The following TRHDE variants were observed in gnomAD, a reference collection of about 807,000 sequenced individuals.
TRHDE encodes the protein thyrotropin releasing hormone degrading enzyme.
TRHDE carries 72 observed loss-of-function variants against 125.7 expected under a neutral mutation model. That is an observed-to-expected ratio of 0.57 (90% CI 0.47 to 0.70). TRHDE has a LOEUF of 0.70. TRHDE is among the 30% of genes least tolerant of loss of function. The pLI is 0.00. For synonymous variants in TRHDE, 509 were observed against 509.1 expected (o/e 1.00, Z 0.00); for missense variants, 1,110 against 1,327.1 (o/e 0.84, Z 2.54).
intron 2 of TRHDE, among the ~76,000 whole-genome samples, chr12:72,147,316 A>T (rs1057388134): frequency 9.2e-5 from 14 of 152,080 alleles, no homozygotes; most frequent in African/African-American, 3.1e-4. Flanking sequence ...AGGTCTAAGC[A>T]GGCTTGGTTC....
rs561378772 is a variant in TRHDE, at chr12:72,225,003, A to T, written n.279+119251A>T. ...TAAATAATTTTAGGTTTACTTTGAT[A>T]CTAATAGCACAAACTCCATTTGCAT... On this transcript the variant is annotated intron_variant and non_coding_transcript_variant, in intron 2 of 4. Coordinates refer to the TRHDE transcript ENST00000548156. Among the ~76,000 whole-genome samples, 20 of 152,268 alleles carry T rather than the reference A, an allele frequency of 1.3e-4. No homozygotes were observed. In the South Asian group the frequency reaches 4.1e-3, roughly 32 times the overall value.
rs534209022 is a variant in TRHDE, at chr12:72,321,030, T to C, written c.1188+34076T>C. ...TTTCAACTTATTAGTGGGAAATGTATCTACCATAGTGTAGAAAAGGAATCA... is the reference window on the plus strand; with the variant it reads ...TTTCAACTTATTAGTGGGAAATGTACCTACCATAGTGTAGAAAAGGAATCA... On this transcript the variant is annotated intron_variant, in intron 2 of 18. Transcript: ENST00000261180. 5.2e-4 allele frequency among the ~76,000 whole-genome samples: 79 copies of C among 152,306 alleles called. 2 individuals carry two copies. The South Asian group carries it at 0.016, about 30-fold the overall frequency.
rs529975131 is a variant in TRHDE, at chr12:72,570,004, A to C, written c.2131+1348A>C. 7.9e-5 allele frequency among the ~76,000 whole-genome samples: 12 copies of C among 152,256 alleles called. No homozygotes were observed. The South Asian group carries it at 2.3e-3, about 29-fold the overall frequency. ...AGTTGTTATAATGATCAAATTAGAAAGAAGTCATCGCTCTATAGGATTCCT... is the reference window on the plus strand; with the variant it reads ...AGTTGTTATAATGATCAAATTAGAACGAAGTCATCGCTCTATAGGATTCCT... On this transcript the variant is annotated intron_variant, in intron 10 of 18. Transcript: ENST00000261180.
intron 2 of TRHDE, among the ~76,000 whole-genome samples, chr12:72,148,997 T>C (rs984368235): frequency 6.6e-6 from 1 of 152,062 alleles, no homozygotes; most frequent in East Asian, 1.9e-4. Context: ...TTTCCTGAGA[T>C]TTTTTTTAAT....
intron 6 of TRHDE, among the ~76,000 whole-genome samples, chr12:72,522,571 C>T (rs2135964437): frequency 6.6e-6 from 1 of 152,188 alleles, no homozygotes; most frequent in South Asian, 2.1e-4. Flanking sequence ...AAACATCTAG[C>T]TTGGAAAGAA....
At chr12:72,368,468 TCTCATGGGA>T (rs1871432750) in intron 2 of TRHDE, among the ~76,000 whole-genome samples, 1 of 152,166 alleles carries the variant, frequency 6.6e-6, no homozygotes. Context: ...TCATCTTTAC[TCTCATGGGA>T]CTCTGACCTT....
At chr12:72,439,821 C>G (rs1874916177) in intron 3 of TRHDE, among the ~76,000 whole-genome samples, 1 of 151,774 alleles carries the variant, frequency 6.6e-6, no homozygotes, top group African/African-American at 2.4e-5. Flanking sequence ...TTTTCTTGCT[C>G]CAGATCTTAG....
intron 2 of TRHDE, among the ~76,000 whole-genome samples, chr12:72,195,923 C>T (rs1357377640): frequency 6.6e-6 from 1 of 152,024 alleles, no homozygotes; most frequent in Non-Finnish European, 1.5e-5. Flanking sequence ...GGTATGGGTC[C>T]AGTTTCGTTC....
chr12:72,240,823 C>T (rs1034854992), intron 2 of TRHDE, among the ~76,000 whole-genome samples: 3 of 152,142 alleles, frequency 2.0e-5, no homozygotes, highest in Non-Finnish European at 2.9e-5. Context: ...CCACCCACCT[C>T]GGCCTCCCAA....
intron 15 of TRHDE, among the ~76,000 whole-genome samples, chr12:72,624,201 G>A (rs1362918562): frequency 6.6e-6 from 1 of 151,856 alleles, no homozygotes; most frequent in Non-Finnish European, 1.5e-5. Flanking sequence ...ATGCAATCCT[G>A]TAGTTGGTGC....
chr12:72,446,609 G>A (rs1875298821), intron 3 of TRHDE, among the ~76,000 whole-genome samples: 1 of 151,986 alleles, frequency 6.6e-6, no homozygotes, highest in Non-Finnish European at 1.5e-5. Context: ...GTATTCAGGA[G>A]ACCCATCTCA....
At chr12:72,187,310 A>AC (rs1163462785) in intron 2 of TRHDE, among the ~76,000 whole-genome samples, 25 of 131,260 alleles carry the variant, frequency 1.9e-4, no homozygotes, top group African/African-American at 7.0e-4. Flanking sequence ...AGAGAAACAC[A>AC]ACACACACAC....
intron 5 of TRHDE, among the ~76,000 whole-genome samples, chr12:72,474,740 T>C (rs945814048): frequency 1.3e-5 from 2 of 152,174 alleles, no homozygotes; most frequent in African/African-American, 4.8e-5. Flanking sequence ...TAGGCAGTTA[T>C]CTACTTGTCT....
intron 2 of TRHDE, among the ~76,000 whole-genome samples, chr12:72,113,395 T>C (rs1875366914): frequency 6.6e-6 from 1 of 151,298 alleles, no homozygotes; most frequent in Admixed American, 6.6e-5. Flanking sequence ...GATGCCGAGG[T>C]GCATAGATCA....
At chr12:72,504,754 G>A (rs568351043) in intron 6 of TRHDE, among the ~76,000 whole-genome samples, 2 of 152,332 alleles carry the variant, frequency 1.3e-5, no homozygotes, top group East Asian at 1.9e-4. Context: ...AGGAAAGATT[G>A]TAGAGACTGG....
chr12:72,246,959 G>A (rs1878586339), intron 2 of TRHDE, among the ~76,000 whole-genome samples: 2 of 152,160 alleles, frequency 1.3e-5, no homozygotes, highest in South Asian at 2.1e-4. Flanking sequence ...TCAAAATCAT[G>A]ATTAATTCAA....
At chr12:72,617,794 G>A (rs1872882931) in intron 12 of TRHDE, among the ~76,000 whole-genome samples, 1 of 152,184 alleles carries the variant, frequency 6.6e-6, no homozygotes, top group South Asian at 2.1e-4. Context: ...TGCTGCACAT[G>A]CAGTGAAAAG....
At chr12:72,391,135 A>G (rs1872597404) in intron 3 of TRHDE, among the ~76,000 whole-genome samples, 1 of 152,126 alleles carries the variant, frequency 6.6e-6, no homozygotes, top group South Asian at 2.1e-4. Flanking sequence ...TTTATCCCTC[A>G]TGACACTGGA....
intron 2 of TRHDE, among the ~76,000 whole-genome samples, chr12:72,226,493 G>A (rs1403367669): frequency 6.6e-6 from 1 of 152,088 alleles, no homozygotes; most frequent in South Asian, 2.1e-4. Context: ...TTTAACTGCA[G>A]CGTATTTGAA....
Sources: gnomAD v4.1 joint callset for allele counts (sites outside exome capture counted in the v4.1 genomes callset) on GRCh38, gnomAD v4.1.1 for gene constraint, MANE v1.5 for transcripts, NCBI Gene and HGNC (gene_info 2026-07-23, HGNC 2026-07-21) for gene names.